Variants in DRC2 observed in about 807,000 individuals in gnomAD.
The protein encoded by DRC2 is coiled-coil domain containing 65.
At chr12:48,914,892 T>A in the DRC2 span, among the ~76,000 whole-genome samples, 1 of 152,070 alleles carries the variant, frequency 6.6e-6, no homozygotes, top group South Asian at 2.1e-4. Context: ...GGAGTGTCGC[T>A]CTGTTGTCCA....
the DRC2 span, chr12:48,920,830 T>C: frequency 1.8e-6 from 2 of 1,107,698 alleles, no homozygotes; most frequent in South Asian, 3.2e-5. Context: ...GTTTCCCACT[T>C]GGATGAGTAG....
the DRC2 span, chr12:48,905,019 T>A: frequency 1.2e-6 from 2 of 1,614,074 alleles, no homozygotes; most frequent in Non-Finnish European, 1.7e-6. Flanking sequence ...AGAACTGTCC[T>A]TCGGGAAGTC....
At chr12:48,916,872 T>A in the DRC2 span, 9 of 1,178,576 alleles carry the variant, frequency 7.6e-6, no homozygotes, top group Non-Finnish European at 1.1e-5. Flanking sequence ...TACCTAAGAG[T>A]TTGTACCATT....
chr12:48,918,664 T>C, the DRC2 span: 1 of 1,605,920 alleles, frequency 6.2e-7, no homozygotes, highest in Non-Finnish European at 8.5e-7. Flanking sequence ...AGATTTCCCC[T>C]AATCTACTCT....
chr12:48,921,355 T>C, the DRC2 span: 8 of 1,614,166 alleles, frequency 5.0e-6, no homozygotes, highest in Non-Finnish European at 6.8e-6. Context: ...CTCAACCCAC[T>C]CTTTATAGTC....
At chr12:48,920,441 T>TTTTTAAA in the DRC2 span, among the ~76,000 whole-genome samples, 1 of 67,816 alleles carries the variant, frequency 1.5e-5, no homozygotes, top group Non-Finnish European at 2.6e-5. Context: ...AACTCCATCT[T>TTTTTAAA]AAAAAAAAAA....
At chr12:48,921,569 G>A in the DRC2 span, 1 of 1,455,856 alleles carries the variant, frequency 6.9e-7, no homozygotes, top group Non-Finnish European at 9.0e-7. Flanking sequence ...AAATTTCCAT[G>A]GAGTTTATGA....
chr12:48,905,200 C>A, the DRC2 span: 2 of 1,195,442 alleles, frequency 1.7e-6, no homozygotes, highest in South Asian at 3.5e-5. Flanking sequence ...AAAGCCCTCA[C>A]AAGACACAGG....
At chr12:48,908,595 ATTATTATTATTAT>A in the DRC2 span, among the ~76,000 whole-genome samples, 15 of 121,762 alleles carry the variant, frequency 1.2e-4, no homozygotes, top group African/African-American at 3.9e-4. Context: ...TATTATTATT[ATTATTATTATTAT>A]TTATTTATTT....
chr12:48,919,456 CTAAAAT>C, the DRC2 span, among the ~76,000 whole-genome samples: 2 of 152,024 alleles, frequency 1.3e-5, no homozygotes, highest in Non-Finnish European at 2.9e-5. Context: ...CCCTGGCTTT[CTAAAAT>C]GCTGGGATTA....
the DRC2 span, among the ~76,000 whole-genome samples, chr12:48,911,996 A>T: frequency 7.9e-5 from 12 of 151,930 alleles, no homozygotes; most frequent in African/African-American, 2.4e-4. Context: ...ACGGTGGCTC[A>T]CACCTGTAAT....
chr12:48,916,931 G>A, the DRC2 span: 278 of 1,598,020 alleles, frequency 1.7e-4, no homozygotes, highest in Non-Finnish European at 2.3e-4. Flanking sequence ...TCAATATCCT[G>A]TATCCCTCAG....
At chr12:48,918,681 C>T in the DRC2 span, 43 of 1,612,560 alleles carry the variant, frequency 2.7e-5, no homozygotes, top group Non-Finnish European at 3.5e-5. Flanking sequence ...CTCTGTTCCT[C>T]TAGGATGCCA....
the DRC2 span, chr12:48,921,140 C>T: frequency 6.2e-7 from 1 of 1,611,882 alleles, no homozygotes. Context: ...TCTCGCTGCA[C>T]ACCTTCTCCC....
chr12:48,918,902 A>C, the DRC2 span: 1 of 1,607,794 alleles, frequency 6.2e-7, no homozygotes, highest in Non-Finnish European at 8.5e-7. Context: ...ATTGTTGATA[A>C]GGTAACACAG....
At chr12:48,918,842 TAGTC>T in the DRC2 span, 14 of 1,614,120 alleles carry the variant, frequency 8.7e-6, no homozygotes, top group African/African-American at 8.0e-5. Flanking sequence ...CAGAAGAACT[TAGTC>T]AGACTCACCC....
chr12:48,920,954 G>A, the DRC2 span: 2 of 1,613,324 alleles, frequency 1.2e-6, no homozygotes, highest in Non-Finnish European at 1.7e-6. Flanking sequence ...TAAACTTGCT[G>A]AAATATGTAG....
At chr12:48,920,838 T>G in the DRC2 span, 8 of 1,244,784 alleles carry the variant, frequency 6.4e-6, no homozygotes, top group Non-Finnish European at 7.8e-6. Context: ...CTTGGATGAG[T>G]AGCTTCCCTG....
chr12:48,904,176 G>A, the DRC2 span: 2 of 865,030 alleles, frequency 2.3e-6, no homozygotes, highest in African/African-American at 3.4e-5. Flanking sequence ...CTGATAGCCG[G>A]GGATCTCTCC....
Sources: allele counts gnomAD v4.1 joint callset (sites outside exome capture counted in the v4.1 genomes callset), GRCh38; gene constraint gnomAD v4.1.1; transcripts MANE v1.5; gene names NCBI Gene and HGNC (gene_info 2026-07-23, HGNC 2026-07-21).